The following ASIC2 variants were observed in gnomAD, a reference collection of about 807,000 sequenced individuals.
The protein encoded by ASIC2 is acid sensing ion channel subunit 2, also known as acid-sensing ion channel 2.
ASIC2 carries 25 observed loss-of-function variants against 57.3 expected under a neutral mutation model. That is an observed-to-expected ratio of 0.44 (90% CI 0.32 to 0.61). The LOEUF (loss-of-function observed/expected upper bound fraction) is 0.61, where lower values mean the gene tolerates loss of function less well. ASIC2 is among the 20% of genes least tolerant of loss of function. The pLI is 0.06. For synonymous variants in ASIC2, 319 were observed against 307.5 expected, an observed-to-expected ratio of 1.04 and a Z score of -0.39; for missense variants, 641 against 738.1, an observed-to-expected ratio of 0.87 and a Z score of 1.52.
intron 1 of ASIC2, among the ~76,000 whole-genome samples, chr17:34,051,142 A>G (rs1350939773): frequency 1.3e-5 from 2 of 152,208 alleles, no homozygotes; most frequent in African/African-American, 4.8e-5. Flanking sequence ...CAGAGAAAAA[A>G]GAGTGATTTT....
chr17:33,970,315 G>C (rs1232495121), intron 1 of ASIC2, among the ~76,000 whole-genome samples: 1 of 152,124 alleles, frequency 6.6e-6, no homozygotes, highest in East Asian at 1.9e-4. Flanking sequence ...CGAAGCCCAG[G>C]CAGCACCCCA....
chr17:33,346,020 A>G (rs1302664656), intron 1 of ASIC2, among the ~76,000 whole-genome samples: 1 of 152,034 alleles, frequency 6.6e-6, no homozygotes, highest in Non-Finnish European at 1.5e-5. Flanking sequence ...TGAGGTCAGA[A>G]GCTCAAGACC....
intron 1 of ASIC2, among the ~76,000 whole-genome samples, chr17:33,923,759 C>T (rs192022826): frequency 2.6e-5 from 4 of 152,238 alleles, no homozygotes; most frequent in Admixed American, 2.0e-4. Flanking sequence ...CTTAAGCCAC[C>T]AATGAGGTGT....
chr17:33,019,080 A>T (rs1328861251), intron 7 of ASIC2, among the ~76,000 whole-genome samples: 1 of 151,968 alleles, frequency 6.6e-6, no homozygotes, highest in Non-Finnish European at 1.5e-5. Flanking sequence ...TCATGTCTTT[A>T]ATGGAGGCTT....
At chr17:33,294,767 G>C (rs1047578515), upstream of ASIC2, among the ~76,000 whole-genome samples, 1 of 152,000 alleles carries the variant, frequency 6.6e-6, no homozygotes, top group Non-Finnish European at 1.5e-5. Flanking sequence ...ACACACACCT[G>C]GAAACCCTTC....
rs147589766 is a variant in ASIC2, at chr17:33,532,661, G to A, written c.556-420594C>T. Among the ~76,000 whole-genome samples, 589 of 152,316 alleles carry A rather than the reference G, an allele frequency of 3.9e-3. 4 individuals are homozygous for A. Among genetic ancestry groups the A allele is most frequent in the African/African-American group, 0.013 (549 of 41,570 alleles). ...AATCTGTCATTTCCATCTCTTCCAC[G>A]TCACTGACATTGGTCCTCTTGACCC... On this transcript the variant is annotated intron_variant, in intron 1 of 9. Coordinates refer to the ASIC2 transcript ENST00000359872.
intron 1 of ASIC2, among the ~76,000 whole-genome samples, chr17:33,152,854 C>T (rs1358896443): frequency 6.6e-6 from 1 of 152,114 alleles, no homozygotes; most frequent in Non-Finnish European, 1.5e-5. Flanking sequence ...TTTAACTTTC[C>T]ACTGGGAAAT....
intron 1 of ASIC2, among the ~76,000 whole-genome samples, chr17:33,824,757 C>A (rs1401706961): frequency 9.7e-6 from 1 of 102,880 alleles, no homozygotes; most frequent in Non-Finnish European, 2.0e-5. Flanking sequence ...GGGAGTTCCC[C>A]TGCACAAGCT....
intron 1 of ASIC2, among the ~76,000 whole-genome samples, chr17:33,270,688 C>A (rs1478414315): frequency 6.6e-6 from 1 of 152,166 alleles, no homozygotes; most frequent in Non-Finnish European, 1.5e-5. Flanking sequence ...CCTGTCTGAA[C>A]CTTAAAGACA....
chr17:33,801,125 C>T (rs1912120721), intron 1 of ASIC2, among the ~76,000 whole-genome samples: 1 of 152,124 alleles, frequency 6.6e-6, no homozygotes, highest in African/African-American at 2.4e-5. Context: ...CAAAATGTGG[C>T]CTGGAGAACT....
chr17:33,069,619 T>C (rs971563159), intron 3 of ASIC2, among the ~76,000 whole-genome samples: 6 of 152,238 alleles, frequency 3.9e-5, no homozygotes, highest in Admixed American at 2.0e-4. Flanking sequence ...TATTATTTGT[T>C]CTGAATCATA....
intron 1 of ASIC2, among the ~76,000 whole-genome samples, chr17:33,873,023 T>A (rs376251899): frequency 1.3e-5 from 2 of 152,206 alleles, no homozygotes; most frequent in South Asian, 4.2e-4. Context: ...AGACAAGAAC[T>A]TCAAGAAAAA....
At position 33,595,290 on chromosome 17, in the gene ASIC2, T is replaced by G. The variant is rs1597801455; in HGVS notation, c.556-483223A>C. Among the ~76,000 whole-genome samples, 2 of 152,348 alleles carry G rather than the reference T, an allele frequency of 1.3e-5. 1 individual carries two copies. The highest frequency in any genetic ancestry group is 6.8e-3 in the Middle Eastern group (2 of 294). On this transcript the variant is annotated intron_variant, in intron 1 of 9. Coordinates refer to the ASIC2 transcript ENST00000359872. ...GGTCTGTCTGACCTGAAGTCCGTTT[T>G]CTTCCAGCTATGCCACAGCTGGGAC...
At chr17:33,388,661 A>G (rs1476397378) in intron 1 of ASIC2, among the ~76,000 whole-genome samples, 2 of 152,212 alleles carry the variant, frequency 1.3e-5, no homozygotes. Context: ...CCTGCCTCTC[A>G]TGGTAATTGA....
intron 1 of ASIC2, among the ~76,000 whole-genome samples, chr17:33,867,615 G>C (rs951681318): frequency 6.6e-6 from 1 of 152,208 alleles, no homozygotes; most frequent in African/African-American, 2.4e-5. Flanking sequence ...GGACACAAGG[G>C]AAAGACTGCC....
intron 1 of ASIC2, among the ~76,000 whole-genome samples, chr17:33,166,681 G>T (rs998510686): frequency 3.3e-5 from 5 of 152,172 alleles, no homozygotes; most frequent in African/African-American, 4.8e-5. Flanking sequence ...GAAGGAGGTG[G>T]GTTGCAGGGA....
Position 34,001,893 on chromosome 17 carries a change from G to C in ASIC2, c.555+154085C>G, listed in dbSNP as rs1273306095. The stretch of plus-strand genomic sequence containing the variant: ...TTGTTCAAATTGATGTTTCTGCAAG[G>C]ATATGAGTTCTGAAAACTCCTATCC... On this transcript the variant is annotated intron_variant, in intron 1 of 9. Coordinates refer to the ASIC2 transcript ENST00000359872. 2.0e-5 allele frequency: 3 copies of C among 152,154 alleles called. No individual in the cohort carries two copies. In the East Asian group the frequency reaches 5.8e-4, roughly 29 times the overall value. 9.4% of individuals were successfully genotyped at this position (152,154 alleles called of 1,614,324 possible). A position where few individuals can be genotyped will look rare whatever the true frequency, so the allele number is the denominator to read the frequency against.
chr17:33,751,131 T>C (rs1368312787), intron 1 of ASIC2, among the ~76,000 whole-genome samples: 2 of 152,180 alleles, frequency 1.3e-5, no homozygotes, highest in Non-Finnish European at 2.9e-5. Context: ...GGCATATTTA[T>C]TTGTTCAGTT....
chr17:34,087,210 CAGG>C (rs1406411815), intron 1 of ASIC2, among the ~76,000 whole-genome samples: 2 of 152,068 alleles, frequency 1.3e-5, no homozygotes, highest in East Asian at 1.9e-4. Context: ...GTGCTTCCTT[CAGG>C]AGTTCTTTTA....
Sources: gnomAD v4.1 joint callset for allele counts (sites outside exome capture counted in the v4.1 genomes callset) on GRCh38, gnomAD v4.1.1 for gene constraint, MANE v1.5 for transcripts, NCBI Gene and HGNC (gene_info 2026-07-23, HGNC 2026-07-21) for gene names.